The following HEATR5A variants were observed in gnomAD, a reference collection of about 807,000 sequenced individuals.
The protein encoded by HEATR5A is HEAT repeat containing 5A, also known as HEAT repeat-containing protein 5A.
In HEATR5A, 178 loss-of-function variants were observed where a neutral mutation model predicts 218.8. The ratio of observed to expected loss-of-function variants is 0.81; its 90% CI spans 0.72 to 0.92. The LOEUF is 0.92. Ranked by LOEUF, HEATR5A falls within the 40% of genes least tolerant of loss-of-function variation. The pLI is 0.00. For synonymous variants in HEATR5A, 864 were observed against 871.6 expected, an observed-to-expected ratio of 0.99 and a Z score of 0.15; for missense variants, 2,420 against 2,418.9, an observed-to-expected ratio of 1.00 and a Z score of -0.01.
In HEATR5A at chr14:31,395,353, CA is replaced by C; in HGVS notation, c.448-6del. The C allele has an allele frequency of 1.4e-6, 2 of 1,458,746 alleles. No individual in the cohort carries two copies. Among genetic ancestry groups the C allele is most frequent in the Non-Finnish European group, 1.8e-6 (2 of 1,096,774 alleles). The allele number at this position is 1,458,746 out of a possible 1,614,324, so 90.4% of individuals were successfully genotyped here. ...AATCTCATATCGGCCTTGAGACTTC[CA>C]AAAAGAAAAAAAATTAAATAGGAAA... On this transcript the variant is annotated splice_polypyrimidine_tract_variant and splice_region_variant and intron_variant, in intron 4 of 35. Transcript: ENST00000543095.
intron 25 of HEATR5A, among the ~76,000 whole-genome samples, chr14:31,318,738 C>T (rs1899992527): frequency 6.6e-6 from 1 of 152,212 alleles, no homozygotes; most frequent in Non-Finnish European, 1.5e-5. Flanking sequence ...GATCCAACTG[C>T]CTCCTCCCAA....
At chr14:31,363,101 T>C (rs751773620) in intron 14 of HEATR5A, among the ~76,000 whole-genome samples, 1 of 151,814 alleles carries the variant, frequency 6.6e-6, no homozygotes, top group Non-Finnish European at 1.5e-5. Flanking sequence ...TAGCCAGGCA[T>C]GGTAGCGCAT....
At position 31,372,060 on chromosome 14, in the gene HEATR5A, A is replaced by G. The variant is rs140054455; in HGVS notation, c.1862-151T>C. ...TTGAAACTCTAGTATAAAAAGGTAT[A>G]TAGTGCTTTCTACTCCTAATCATAC... On this transcript the variant is annotated intron_variant, in intron 12 of 35. Coordinates refer to ENST00000543095, the MANE Select transcript of HEATR5A (RefSeq NM_015473.4). Among the ~76,000 whole-genome samples the G allele has an allele frequency of 9.9e-3, 1,502 of 152,278 alleles. 18 individuals are homozygous for G. The highest frequency in any genetic ancestry group is 0.034 in the African/African-American group (1,426 of 41,546).
At chr14:31,392,835 C>G (rs1474946001) in intron 6 of HEATR5A, among the ~76,000 whole-genome samples, 1 of 152,200 alleles carries the variant, frequency 6.6e-6, no homozygotes, top group Non-Finnish European at 1.5e-5. Flanking sequence ...ACTTCTCTTT[C>G]ACACTCAACA....
At chr14:31,341,625 C>T (rs1246049150) in intron 21 of HEATR5A, among the ~76,000 whole-genome samples, 2 of 152,100 alleles carry the variant, frequency 1.3e-5, no homozygotes, top group African/African-American at 2.4e-5. Flanking sequence ...TTTTGAACTC[C>T]TGGGCTCAAA....
At chr14:31,344,337 G>C (rs549109911) in intron 20 of HEATR5A, among the ~76,000 whole-genome samples, 142 of 137,088 alleles carry the variant, frequency 1.0e-3, no homozygotes, top group African/African-American at 3.7e-3. Context: ...GAGTGCGATG[G>C]TGCCATTTCG....
At chr14:31,297,102 ATGG>A (rs1899211153) in intron 33 of HEATR5A, 1 of 152,224 alleles carries the variant, frequency 6.6e-6, no homozygotes, top group Admixed American at 6.5e-5. Flanking sequence ...CCTGGCCAAC[ATGG>A]TGAAGCCCGG....
intron 28 of HEATR5A, among the ~76,000 whole-genome samples, chr14:31,312,188 A>G (rs1899776956): frequency 6.6e-6 from 1 of 152,220 alleles, no homozygotes; most frequent in Non-Finnish European, 1.5e-5. Context: ...TCTTTTGAAG[A>G]GAAACTCAGA....
intron 3 of HEATR5A, among the ~76,000 whole-genome samples, chr14:31,399,278 T>C (rs1176471874): frequency 6.6e-6 from 1 of 152,356 alleles, no homozygotes; most frequent in East Asian, 1.9e-4. Flanking sequence ...AATATGATTA[T>C]ACTTTCAATA....
intron 6 of HEATR5A, 33 bp downstream of exon 6, chr14:31,394,019 G>C (rs17097870): frequency 0.41 from 568,223 of 1,385,240 alleles, 119,515 homozygotes; most frequent in South Asian, 0.44. Context: ...AAAAATTACA[G>C]AAGAGACTTT....
chr14:31,314,323 G>A (rs1899848248), intron 27 of HEATR5A, among the ~76,000 whole-genome samples: 2 of 151,866 alleles, frequency 1.3e-5, no homozygotes, highest in South Asian at 4.2e-4. Flanking sequence ...TGCGATCTTG[G>A]CTCACTGCAA....
chr14:31,352,209 A>G (rs952273536), intron 16 of HEATR5A, among the ~76,000 whole-genome samples: 1 of 152,082 alleles, frequency 6.6e-6, no homozygotes, highest in African/African-American at 2.4e-5. Context: ...TAAATGAGAA[A>G]CCTGAAATAC....
intron 16 of HEATR5A, among the ~76,000 whole-genome samples, chr14:31,354,138 C>A (rs2139223308): frequency 6.6e-6 from 1 of 151,682 alleles, no homozygotes; most frequent in Admixed American, 6.6e-5. Flanking sequence ...ATGTCCAAAG[C>A]AACCTACAGG....
intron 19 of HEATR5A, among the ~76,000 whole-genome samples, chr14:31,347,185 T>C (rs979100985): frequency 4.6e-5 from 7 of 152,324 alleles, no homozygotes; most frequent in Admixed American, 2.0e-4. Flanking sequence ...CTCTTTAAAA[T>C]AGTAGATGCT....
At chr14:31,296,315 T>G (rs1319305777) in intron 33 of HEATR5A, 2 of 342,568 alleles carry the variant, frequency 5.8e-6, no homozygotes, top group African/African-American at 4.3e-5. Flanking sequence ...TTACTAGGAA[T>G]ACATATTTAT....
intron 1 of HEATR5A, among the ~76,000 whole-genome samples, chr14:31,406,629 C>A (rs904647021): frequency 2.6e-5 from 4 of 152,116 alleles, no homozygotes; most frequent in African/African-American, 9.7e-5. Flanking sequence ...ACATACTATG[C>A]TGCCACCCTT....
chr14:31,299,988 A>T (rs1301180251), intron 33 of HEATR5A, among the ~76,000 whole-genome samples: 1 of 152,060 alleles, frequency 6.6e-6, no homozygotes, highest in Non-Finnish European at 1.5e-5. Flanking sequence ...GTGAGCCGAG[A>T]TTGTACCATT....
At chr14:31,369,859 G>C (rs1367677028) in intron 13 of HEATR5A, among the ~76,000 whole-genome samples, 1 of 150,510 alleles carries the variant, frequency 6.6e-6, no homozygotes, top group African/African-American at 2.4e-5. Context: ...ACGGGGACCC[G>C]GGAGACGGAG....
intron 34 of HEATR5A, 33 bp downstream of exon 34, chr14:31,295,876 A>G (rs1485676400): frequency 1.3e-6 from 2 of 1,596,624 alleles, no homozygotes; most frequent in East Asian, 2.2e-5. Context: ...CCATTGTCCT[A>G]TTACATACAT....
Sources: allele counts gnomAD v4.1 joint callset (sites outside exome capture counted in the v4.1 genomes callset), GRCh38; gene constraint gnomAD v4.1.1; transcripts MANE v1.5; gene names NCBI Gene and HGNC (gene_info 2026-07-23, HGNC 2026-07-21).